TIMM23: variants seen among roughly 807,000 people sequenced by gnomAD.
TIMM23 encodes the protein translocase of inner mitochondrial membrane 23.
Under a neutral mutation model 30.7 loss-of-function variants are expected in TIMM23, and 19 were observed. The observed-to-expected ratio is 0.62, with a 90% CI of 0.43 to 0.91. The LOEUF (loss-of-function observed/expected upper bound fraction) is 0.91, where lower values mean the gene tolerates loss of function less well. TIMM23 is among the 40% of genes least tolerant of loss of function. TIMM23 has a pLI of 0.00. For synonymous variants in TIMM23, 78 were observed against 98.5 expected (o/e 0.79, Z 1.23); for missense variants, 202 against 269.2 (o/e 0.75, Z 1.75).
intron 6 of TIMM23, among the ~76,000 whole-genome samples, chr10:45,999,283 GA>G (rs1838446082): frequency 6.6e-6 from 1 of 152,134 alleles, no homozygotes; most frequent in South Asian, 2.1e-4. Context: ...TGGGACTACA[GA>G]TGCATGCCAC....
At chr10:45,999,675 T>G (rs1838460261) in intron 6 of TIMM23, among the ~76,000 whole-genome samples, 1 of 152,174 alleles carries the variant, frequency 6.6e-6, no homozygotes, top group Non-Finnish European at 1.5e-5. Flanking sequence ...TAATGAAGTT[T>G]CGGGCACCAT....
chr10:45,973,614 T>C (rs1837570203), intron 1 of TIMM23, among the ~76,000 whole-genome samples: 1 of 152,188 alleles, frequency 6.6e-6, no homozygotes, highest in African/African-American at 2.4e-5. Context: ...AAAAACTGAA[T>C]CTACAACACA....
At chr10:45,979,854 T>G (rs1837792171) in intron 2 of TIMM23, among the ~76,000 whole-genome samples, 1 of 152,144 alleles carries the variant, frequency 6.6e-6, no homozygotes, top group African/African-American at 2.4e-5. Context: ...CTTTGTCAGT[T>G]TACTCAAAAT....
At chr10:45,975,215 A>G (rs61849461) in intron 1 of TIMM23, among the ~76,000 whole-genome samples, 1 of 152,314 alleles carries the variant, frequency 6.6e-6, no homozygotes, top group East Asian at 1.9e-4. Context: ...ATGACACTGC[A>G]ATTATCTTAT....
intron 2 of TIMM23, among the ~76,000 whole-genome samples, chr10:45,975,958 C>G (rs1449512843): frequency 6.6e-6 from 1 of 152,148 alleles, no homozygotes; most frequent in Non-Finnish European, 1.5e-5. Context: ...CCCACCACCA[C>G]GCCTGGCTAA....
chr10:45,979,679 G>A (rs1473537443), intron 2 of TIMM23, among the ~76,000 whole-genome samples: 5 of 139,574 alleles, frequency 3.6e-5, no homozygotes, highest in Non-Finnish European at 7.6e-5. Context: ...AATCACTAAC[G>A]GCATCTGACA....
intron 5 of TIMM23, among the ~76,000 whole-genome samples, 186 bp from the exon 6 acceptor site, chr10:45,988,551 T>C (rs1162042761): frequency 6.6e-6 from 1 of 152,136 alleles, no homozygotes; most frequent in Non-Finnish European, 1.5e-5. Flanking sequence ...CCTTTGTCCC[T>C]CTGAAGCTGT....
In TIMM23 at chr10:46,002,121, G is replaced by A. The variant is rs181318849; in HGVS notation, c.515-1082G>A. Among the ~76,000 whole-genome samples the A allele has an allele frequency of 1.3e-3, 196 of 152,168 alleles. 1 individual carries two copies. The highest frequency in any genetic ancestry group is 2.5e-3 in the Non-Finnish European group (167 of 68,000). ...TTTTTTAATTGTGGGAGATTGATGCGTCAGTGCATGAAGTGGGGGGTGGTC... is the reference window on the plus strand; with the variant it reads ...TTTTTTAATTGTGGGAGATTGATGCATCAGTGCATGAAGTGGGGGGTGGTC... On this transcript the variant is annotated intron_variant, in intron 6 of 6. Coordinates refer to ENST00000580018, the MANE Select transcript of TIMM23 (RefSeq NM_006327.4).
rs1838237697 is a variant in TIMM23, at chr10:45,993,593, T to TAATG, written c.514+4749_514+4752dup. ...ACATGACATGACATGATGAAATGAATAATGAAATGCCGGGTGTGGTGGCAC... is the reference window on the plus strand; with the variant it reads ...ACATGACATGACATGATGAAATGAATAATGAATGAAATGCCGGGTGTGGTGGCAC... On this transcript the variant is annotated intron_variant, in intron 6 of 6. Coordinates refer to ENST00000580018, the MANE Select transcript of TIMM23 (RefSeq NM_006327.4). 2.6e-5 allele frequency among the ~76,000 whole-genome samples: 4 copies of TAATG among 151,994 alleles called. No individual in the cohort carries two copies. In the South Asian group the frequency reaches 8.3e-4, roughly 32 times the overall value.
chr10:45,992,929 A>G (rs1838209536), intron 6 of TIMM23, among the ~76,000 whole-genome samples: 1 of 151,334 alleles, frequency 6.6e-6, no homozygotes, highest in African/African-American at 2.4e-5. Context: ...TCCAGATTCT[A>G]CTCCTATTCC....
At chr10:45,974,775 T>C (rs1328525669) in intron 1 of TIMM23, among the ~76,000 whole-genome samples, 4 of 152,110 alleles carry the variant, frequency 2.6e-5, no homozygotes, top group Admixed American at 1.3e-4. Context: ...GGACTCCTAA[T>C]TGATGAAAAG....
chr10:45,984,709 T>C, intron 4 of TIMM23: 1 of 361,790 alleles, frequency 2.8e-6, no homozygotes, highest in East Asian at 8.0e-5. Flanking sequence ...TCCATCACTG[T>C]TCTGGTGGTG....
At chr10:45,990,869 A>G (rs1838145319) in intron 6 of TIMM23, among the ~76,000 whole-genome samples, 1 of 152,232 alleles carries the variant, frequency 6.6e-6, no homozygotes, top group Non-Finnish European at 1.5e-5. Flanking sequence ...AAATACGCTT[A>G]AAGTAGAAAG....
chr10:45,991,760 AAAG>A (rs1838168873), intron 6 of TIMM23, among the ~76,000 whole-genome samples: 1 of 151,730 alleles, frequency 6.6e-6, no homozygotes, highest in Non-Finnish European at 1.5e-5. Context: ...TCAAAAAAAA[AAAG>A]AAAAGAAAAA....
chr10:45,974,927 A>G (rs1837620076), intron 1 of TIMM23, among the ~76,000 whole-genome samples: 1 of 151,810 alleles, frequency 6.6e-6, no homozygotes, highest in Non-Finnish European at 1.5e-5. Flanking sequence ...GCACAGACCC[A>G]CATACCTGTG....
At chr10:45,987,809 G>GT (rs1838039620) in intron 5 of TIMM23, among the ~76,000 whole-genome samples, 1 of 151,606 alleles carries the variant, frequency 6.6e-6, no homozygotes, top group Non-Finnish European at 1.5e-5. Context: ...TTAGAGAAGG[G>GT]GGTATCCCTA....
At chr10:45,990,809 C>CT in intron 6 of TIMM23, 1 of 372,078 alleles carries the variant, frequency 2.7e-6, no homozygotes, top group Non-Finnish European at 5.1e-6. Flanking sequence ...TACATATTGT[C>CT]TGTTGACTTC....
Position 45,972,709 on chromosome 10 carries a change from G to T in TIMM23, c.85G>T (p.Ala29Ser). 6 of 1,613,998 alleles carry T rather than the reference G, an allele frequency of 3.7e-6. No individual in the cohort carries two copies. Among genetic ancestry groups the T allele is most frequent in the Non-Finnish European group, 5.1e-6 (6 of 1,179,870 alleles). ...AGCCGGCGGAGCAGGTTACTCGCAC[G>T]CGGATTTGGCTGGCGTCCCGCGTAA... The part of the protein sequence containing the change: ...FGAGGAGYSH[A>S]DLAGVPLTGM... The change falls in exon 1 of 7, where the codon GCG (alanine) becomes TCG (serine). Residue 29 changes from alanine (A) to serine (S), a missense_variant. Ala to Ser is a moderately conservative substitution (Grantham distance 99). Transcript: ENST00000580018.
At chr10:45,985,552 A>G in intron 5 of TIMM23, 111 bp downstream of exon 5, 3 of 1,351,546 alleles carry the variant, frequency 2.2e-6, no homozygotes, top group Middle Eastern at 1.8e-4. Context: ...AATTATGTTT[A>G]AACCCATTCC....
Sources: allele counts gnomAD v4.1 joint callset (sites outside exome capture counted in the v4.1 genomes callset), GRCh38; gene constraint gnomAD v4.1.1; transcripts MANE v1.5; gene names NCBI Gene and HGNC (gene_info 2026-07-23, HGNC 2026-07-21).